Variants in ROBO2 observed in about 807,000 individuals in gnomAD.
ROBO2 encodes roundabout guidance receptor 2.
A neutral mutation model predicts 160.8 loss-of-function variants in ROBO2; 53 were observed. The ratio of observed to expected loss-of-function variants is 0.33; its 90% CI spans 0.26 to 0.41. The LOEUF is 0.41. ROBO2 is among the 10% of genes least tolerant of loss of function. The probability of loss-of-function intolerance (pLI) is 1.00; values close to 1 mark genes in which losing one functional copy is unlikely to be tolerated. For synonymous variants in ROBO2, 664 were observed against 611.7 expected, an observed-to-expected ratio of 1.09 and a Z score of -1.26; for missense variants, 1,577 against 1,722.4, an observed-to-expected ratio of 0.92 and a Z score of 1.49.
At chr3:77,563,120 C>T in intron 10 of ROBO2, 47 bp from the exon 12 acceptor site, 2 of 1,588,616 alleles carry the variant, frequency 1.3e-6, no homozygotes, top group Non-Finnish European at 8.6e-7. Flanking sequence ...GCAGTATTGT[C>T]AACTTATGCA....
In ROBO2 at chr3:76,029,912, C is replaced by G. The variant is rs370888246; in HGVS notation, c.109+92310C>G. Among the ~76,000 whole-genome samples the G allele has an allele frequency of 4.6e-5, 7 of 152,268 alleles. No individual in the cohort carries two copies. In the East Asian group the frequency reaches 1.4e-3, roughly 29 times the overall value. ...GGAATTGCTGGGTCAAATGGTATTT[C>G]TAGTTAGAGATCCTTGAGGAATCAC... On this transcript the variant is annotated intron_variant, in intron 2 of 26. Coordinates refer to the ROBO2 transcript ENST00000487694.
intron 2 of ROBO2, among the ~76,000 whole-genome samples, chr3:77,005,827 T>C (rs2061550168): frequency 1.3e-5 from 2 of 152,234 alleles, no homozygotes; most frequent in African/African-American, 4.8e-5. Flanking sequence ...TGCAGTGTTC[T>C]AGTCTGAATT....
intron 2 of ROBO2, among the ~76,000 whole-genome samples, chr3:76,841,766 C>A (rs2068292455): frequency 6.6e-6 from 1 of 152,208 alleles, no homozygotes; most frequent in African/African-American, 2.4e-5. Flanking sequence ...GGAAGGACAT[C>A]TTTTCTACAT....
chr3:77,559,969 A>G (rs1335491913), intron 9 of ROBO2, among the ~76,000 whole-genome samples: 1 of 152,178 alleles, frequency 6.6e-6, no homozygotes, highest in Non-Finnish European at 1.5e-5. Flanking sequence ...AATGGAAGTT[A>G]TTAAAAAATT....
chr3:76,474,031 A>G (rs932157095), intron 2 of ROBO2, among the ~76,000 whole-genome samples: 1 of 152,172 alleles, frequency 6.6e-6, no homozygotes, highest in Non-Finnish European at 1.5e-5. Context: ...TTGATAATTG[A>G]CAAAGAATGG....
chr3:76,608,017 C>T (rs2087792440), intron 2 of ROBO2, among the ~76,000 whole-genome samples: 1 of 152,186 alleles, frequency 6.6e-6, no homozygotes, highest in Non-Finnish European at 1.5e-5. Flanking sequence ...ACATGATTTT[C>T]TTTAAAGAGA....
At chr3:76,566,825 C>T (rs2084556327) in intron 2 of ROBO2, among the ~76,000 whole-genome samples, 1 of 152,194 alleles carries the variant, frequency 6.6e-6, no homozygotes, top group South Asian at 2.1e-4. Context: ...GAGAAAAAAT[C>T]TCTGCATAAC....
chr3:76,593,276 A>G (rs2086532890), intron 2 of ROBO2, among the ~76,000 whole-genome samples: 2 of 152,046 alleles, frequency 1.3e-5, no homozygotes, highest in South Asian at 4.1e-4. Flanking sequence ...TTCTTTCTAG[A>G]GTTGTTGCGT....
chr3:77,108,675 G>A (rs2073180162), intron 2 of ROBO2, among the ~76,000 whole-genome samples: 1 of 152,046 alleles, frequency 6.6e-6, no homozygotes, highest in South Asian at 2.1e-4. Flanking sequence ...AGTGAGGAGG[G>A]GCCGCAAGTT....
chr3:76,425,526 CTG>C (rs1577103602), intron 2 of ROBO2, among the ~76,000 whole-genome samples: 58 of 75,722 alleles, frequency 7.7e-4, no homozygotes, highest in Non-Finnish European at 1.3e-3. Context: ...GTGTGTGTGT[CTG>C]TGTGTGTGTG....
At chr3:76,193,799 T>C (rs1340037101) in intron 2 of ROBO2, among the ~76,000 whole-genome samples, 2 of 152,226 alleles carry the variant, frequency 1.3e-5, no homozygotes, top group African/African-American at 2.4e-5. Flanking sequence ...AGATTATTAA[T>C]TGATCATGTG....
At chr3:76,682,472 G>A (rs373894855) in intron 2 of ROBO2, among the ~76,000 whole-genome samples, 7 of 152,102 alleles carry the variant, frequency 4.6e-5, no homozygotes, top group Non-Finnish European at 7.4e-5. Context: ...GCAGTAGCAC[G>A]ATCTCGGTTC....
chr3:77,481,278 G>A, intron 4 of ROBO2, 59 bp downstream of exon 4: 1 of 1,388,476 alleles, frequency 7.2e-7, no homozygotes. Context: ...TTGCTTTTAA[G>A]TATTACTAAC....
At chr3:75,974,692 C>A (rs1164273746) in intron 2 of ROBO2, among the ~76,000 whole-genome samples, 2 of 151,218 alleles carry the variant, frequency 1.3e-5, no homozygotes, top group African/African-American at 4.9e-5. Flanking sequence ...ATAATGTTTT[C>A]AATTATTTGA....
At chr3:76,205,888 A>G (rs1702778588) in intron 2 of ROBO2, among the ~76,000 whole-genome samples, 1 of 152,188 alleles carries the variant, frequency 6.6e-6, no homozygotes, top group Non-Finnish European at 1.5e-5. Context: ...ATCTGGCTAT[A>G]CAAGCACAGC....
At chr3:76,509,008 A>G (rs995722445) in intron 2 of ROBO2, among the ~76,000 whole-genome samples, 1 of 152,176 alleles carries the variant, frequency 6.6e-6, no homozygotes, top group African/African-American at 2.4e-5. Context: ...TACTATTTCT[A>G]TTGAAGCCCT....
At chr3:76,867,072 G>C (rs1423902094) in intron 2 of ROBO2, among the ~76,000 whole-genome samples, 2 of 152,112 alleles carry the variant, frequency 1.3e-5, no homozygotes, top group African/African-American at 4.8e-5. Flanking sequence ...CAAGGAAAAG[G>C]GGAGGACATT....
intron 2 of ROBO2, among the ~76,000 whole-genome samples, chr3:76,000,525 G>C (rs925261216): frequency 1.5e-4 from 19 of 130,230 alleles, no homozygotes; most frequent in Admixed American, 7.6e-4. Context: ...CTCTCACTCT[G>C]TCCCCCAGGC....
At chr3:76,423,564 T>C (rs1487500962) in intron 2 of ROBO2, among the ~76,000 whole-genome samples, 3 of 151,732 alleles carry the variant, frequency 2.0e-5, no homozygotes, top group East Asian at 1.9e-4. Flanking sequence ...GGTTAGAAAA[T>C]AGGAAAGCAG....
Sources: gnomAD v4.1 joint callset for allele counts (sites outside exome capture counted in the v4.1 genomes callset) on GRCh38, gnomAD v4.1.1 for gene constraint, MANE v1.5 for transcripts, NCBI Gene and HGNC (gene_info 2026-07-23, HGNC 2026-07-21) for gene names.